The following C8orf34 variants were observed in gnomAD, a reference collection of about 807,000 sequenced individuals.
C8orf34 encodes uncharacterized protein C8orf34.
A neutral mutation model predicts 68.3 loss-of-function variants in C8orf34; 65 were observed. That is an observed-to-expected ratio of 0.95 (90% CI 0.78 to 1.17). The LOEUF (loss-of-function observed/expected upper bound fraction) is 1.17. Ranked by LOEUF, C8orf34 falls within the 50% of genes most tolerant of loss-of-function variation. The pLI, the probability that C8orf34 is intolerant of heterozygous loss-of-function variation, is 0.00. For synonymous variants in C8orf34, 244 were observed against 241.2 expected (o/e 1.01, Z -0.11); for missense variants, 664 against 655.4 (o/e 1.01, Z -0.14).
intron 2 of C8orf34, among the ~76,000 whole-genome samples, chr8:68,444,121 G>A (rs894775341): frequency 6.6e-6 from 1 of 152,082 alleles, no homozygotes; most frequent in African/African-American, 2.4e-5. Flanking sequence ...ATCAAGCAAA[G>A]TGTTTTCTCT....
intron 8 of C8orf34, among the ~76,000 whole-genome samples, chr8:68,681,481 A>G (rs1229145949): frequency 1.3e-5 from 2 of 152,162 alleles, no homozygotes; most frequent in Non-Finnish European, 2.9e-5. Context: ...TACCCCAGTT[A>G]AAATGACTTT....
At chr8:68,612,545 T>C (rs1176122441) in intron 7 of C8orf34, among the ~76,000 whole-genome samples, 1 of 152,196 alleles carries the variant, frequency 6.6e-6, no homozygotes, top group Non-Finnish European at 1.5e-5. Flanking sequence ...TAAGATTGTT[T>C]ATAGTTAAAT....
intron 10 of C8orf34, among the ~76,000 whole-genome samples, chr8:68,723,375 A>G (rs1563630942): frequency 1.3e-5 from 2 of 152,112 alleles, no homozygotes; most frequent in African/African-American, 2.4e-5. Flanking sequence ...AAATTTCAGT[A>G]CCTTGATGCT....
At chr8:68,595,886 T>C (rs1023766121) in intron 7 of C8orf34, among the ~76,000 whole-genome samples, 1 of 152,120 alleles carries the variant, frequency 6.6e-6, no homozygotes, top group Non-Finnish European at 1.5e-5. Flanking sequence ...ACAATTTCAG[T>C]TATTTATTTC....
At chr8:68,732,139 C>T in intron 10 of C8orf34, among the ~76,000 whole-genome samples, 1 of 152,170 alleles carries the variant, frequency 6.6e-6, no homozygotes, top group East Asian at 1.9e-4. Flanking sequence ...TCAATGTTTT[C>T]CTCAGGCTAA....
At chr8:68,665,816 G>A (rs62520966) in intron 8 of C8orf34, among the ~76,000 whole-genome samples, 23,398 of 144,876 alleles carry the variant, frequency 0.16, 2,653 homozygotes, top group East Asian at 0.57. Flanking sequence ...TCAAAGTATC[G>A]TCACTTATTA....
chr8:68,481,099 C>A (rs974724790), intron 4 of C8orf34, among the ~76,000 whole-genome samples: 1 of 152,154 alleles, frequency 6.6e-6, no homozygotes, highest in Non-Finnish European at 1.5e-5. Context: ...GGGCCAGGTC[C>A]AGGGTTCCCA....
chr8:68,765,886 A>AC (rs1823157638), intron 10 of C8orf34, among the ~76,000 whole-genome samples: 1 of 152,222 alleles, frequency 6.6e-6, no homozygotes, highest in Non-Finnish European at 1.5e-5. Context: ...CTATTATATG[A>AC]CCTGAATTTG....
At chr8:68,721,232 C>T in intron 9 of C8orf34, 129 bp from the exon 10 acceptor site, 1 of 602,634 alleles carries the variant, frequency 1.7e-6, no homozygotes, top group Non-Finnish European at 2.9e-6. Flanking sequence ...TCTATTTTAA[C>T]TCACAAACAC....
chr8:68,776,131 G>A (rs1467928151), intron 10 of C8orf34, among the ~76,000 whole-genome samples: 6 of 152,112 alleles, frequency 3.9e-5, no homozygotes, highest in Non-Finnish European at 5.9e-5. Flanking sequence ...AAACCTGCAC[G>A]TCCTGCACAT....
chr8:68,367,907 G>GAAAAAAA (rs1807360133), intron 1 of C8orf34, among the ~76,000 whole-genome samples: 43 of 15,016 alleles, frequency 2.9e-3, no homozygotes, highest in South Asian at 7.8e-3. Context: ...AATAAAAAAA[G>GAAAAAAA]AAAAGAAAAA....
intron 7 of C8orf34, among the ~76,000 whole-genome samples, chr8:68,557,472 C>T: frequency 6.6e-6 from 1 of 152,190 alleles, no homozygotes; most frequent in South Asian, 2.1e-4. Context: ...AATAATGAGG[C>T]TACTTATCCC....
intron 1 of C8orf34, among the ~76,000 whole-genome samples, chr8:68,377,234 G>T (rs1807840637): frequency 6.6e-6 from 1 of 151,838 alleles, no homozygotes; most frequent in African/African-American, 2.4e-5. Flanking sequence ...TCTATAAAAA[G>T]AAATAAAAAA....
At chr8:68,760,874 T>A (rs950289559) in intron 10 of C8orf34, among the ~76,000 whole-genome samples, 8 of 152,206 alleles carry the variant, frequency 5.3e-5, no homozygotes, top group Non-Finnish European at 1.2e-4. Flanking sequence ...TTTAAATATT[T>A]AATTTGACTA....
intron 6 of C8orf34, among the ~76,000 whole-genome samples, chr8:68,527,685 C>G (rs1286704485): frequency 6.6e-6 from 1 of 152,212 alleles, no homozygotes; most frequent in East Asian, 1.9e-4. Flanking sequence ...GCTTCAAATT[C>G]TGTGCATTTA....
intron 10 of C8orf34, among the ~76,000 whole-genome samples, chr8:68,749,055 C>T (rs62520978): frequency 6.8e-5 from 10 of 146,826 alleles, no homozygotes; most frequent in African/African-American, 1.8e-4. Context: ...TACTATGCAG[C>T]CATAAAAAAT....
At chr8:68,746,922 A>G (rs1427559227) in intron 10 of C8orf34, among the ~76,000 whole-genome samples, 3 of 151,974 alleles carry the variant, frequency 2.0e-5, no homozygotes, top group African/African-American at 7.3e-5. Context: ...CCGGACAGAG[A>G]CACAACCAAA....
chr8:68,375,534 G>C (rs1306518296), intron 1 of C8orf34, among the ~76,000 whole-genome samples: 1 of 152,146 alleles, frequency 6.6e-6, no homozygotes, highest in Non-Finnish European at 1.5e-5. Flanking sequence ...AAGTATTTCT[G>C]CTTTTATTCA....
chr8:68,536,559 G>A (rs759142438), intron 7 of C8orf34, among the ~76,000 whole-genome samples: 3 of 151,492 alleles, frequency 2.0e-5, no homozygotes, highest in African/African-American at 4.8e-5. Flanking sequence ...TTTCAGTCAC[G>A]TTTTTGATTA....
Sources: allele counts gnomAD v4.1 joint callset (sites outside exome capture counted in the v4.1 genomes callset), GRCh38; gene constraint gnomAD v4.1.1; transcripts MANE v1.5; gene names NCBI Gene and HGNC (gene_info 2026-07-23, HGNC 2026-07-21).